Variants in CCDC186 observed in about 807,000 individuals in gnomAD.
CCDC186 encodes the protein coiled-coil domain containing 186, also known as coiled-coil domain-containing protein 186.
CCDC186 carries 49 observed loss-of-function variants against 113.7 expected under a neutral mutation model. The ratio of observed to expected loss-of-function variants is 0.43; its 90% CI spans 0.34 to 0.55. The LOEUF is 0.55. Among genes scored for constraint, CCDC186 ranks in the 20% least tolerant of loss-of-function variants. The probability of loss-of-function intolerance (pLI) is 0.02; values close to 1 mark genes in which losing one functional copy is unlikely to be tolerated. For missense variants in CCDC186, 890 were observed against 1,011.1 expected, an observed-to-expected ratio of 0.88 and a Z score of 1.62; for synonymous variants, 355 against 345.8, an observed-to-expected ratio of 1.03 and a Z score of -0.30.
chr10:114,153,812 G>A (rs1416345885), intron 3 of CCDC186, among the ~76,000 whole-genome samples: 3 of 150,010 alleles, frequency 2.0e-5, no homozygotes, highest in Non-Finnish European at 3.0e-5. Context: ...AAGAAGACAG[G>A]GTATCAAATT....
chr10:114,169,853 ATAAT>A (rs1327439455), intron 1 of CCDC186, among the ~76,000 whole-genome samples: 1 of 152,224 alleles, frequency 6.6e-6, no homozygotes, highest in Non-Finnish European at 1.5e-5. Flanking sequence ...CTTTTGATAA[ATAAT>A]TAACTTTAAA....
intron 1 of CCDC186, chr10:114,173,399 TTTTTCA>T: frequency 3.2e-6 from 1 of 316,614 alleles, no homozygotes; most frequent in East Asian, 7.7e-5. Context: ...GTTTTTGCCA[TTTTTCA>T]TTACTGATGG....
chr10:114,125,474 T>A (rs1042316422), intron 15 of CCDC186, among the ~76,000 whole-genome samples: 2 of 152,168 alleles, frequency 1.3e-5, no homozygotes, highest in African/African-American at 4.8e-5. Flanking sequence ...TACTTACTAT[T>A]ACTGATTTTA....
Position 114,163,205 on chromosome 10 carries a change from A to C in CCDC186, c.64T>G (p.Leu22Val). ...SDKNVGKTPE[L>V]KEDSCNLFSG... ...AACAAGTTGCATGAGTCTTCCTTTA[A>C]TTCAGGTGTTTTCCCAACATTTTTA... is the stretch of plus-strand genomic sequence containing the variant. The change falls in exon 2 of 16, where the codon TTA becomes GTA. Residue 22 changes from leucine to valine, a missense_variant. Coordinates refer to ENST00000369287, the MANE Select transcript of CCDC186 (RefSeq NM_018017.4). 6.2e-7 allele frequency: 1 copy of C among 1,613,830 alleles called. No homozygotes were observed. The highest frequency in any genetic ancestry group is 8.5e-7 in the Non-Finnish European group (1 of 1,179,982).
At chr10:114,158,114 G>A in intron 2 of CCDC186, among the ~76,000 whole-genome samples, 1 of 152,198 alleles carries the variant, frequency 6.6e-6, no homozygotes, top group Non-Finnish European at 1.5e-5. Context: ...TCTAGTGGAT[G>A]GAGGCCAGGG....
At chr10:114,153,306 T>C (rs904837477) in intron 3 of CCDC186, among the ~76,000 whole-genome samples, 6 of 152,092 alleles carry the variant, frequency 3.9e-5, no homozygotes, top group Admixed American at 6.5e-5. Context: ...GAAAGAAATA[T>C]GGGAAATTCA....
intron 2 of CCDC186, chr10:114,162,043 T>G (rs909458805): frequency 1.3e-5 from 2 of 152,236 alleles, no homozygotes; most frequent in African/African-American, 4.8e-5. Flanking sequence ...AATAGTGTTG[T>G]TTAACGAATA....
Position 114,132,177 on chromosome 10 carries a change from G to A in CCDC186, c.1663C>T (p.Gln555Ter). The A allele has an allele frequency of 6.3e-7, 1 of 1,585,118 alleles. No individual in the cohort carries two copies. Among genetic ancestry groups the A allele is most frequent in the South Asian group, 1.2e-5 (1 of 86,928 alleles). Residue 555 changes from glutamine (Q) to a stop codon, truncating the protein, a stop_gained, in exon 11 of 16, where the codon CAA becomes TAA. Transcript: ENST00000369287. LOFTEE classifies it high-confidence loss of function. Reference protein sequence around the residue: ...QLQEQLQRGKQEIENLKEEVE... With the variant: ...QLQEQLQRGK ...TCTTCTTTCAAATTTTCAATTTCTT[G>A]CTTACCTCTAAAACACAAAATTTAT...
intron 2 of CCDC186, among the ~76,000 whole-genome samples, chr10:114,158,146 T>C (rs968689514): frequency 1.3e-5 from 2 of 152,194 alleles, no homozygotes; most frequent in African/African-American, 4.8e-5. Context: ...CATCCTACAA[T>C]GCACAAGACA....
At chr10:114,164,721 T>C (rs1010150058) in intron 1 of CCDC186, among the ~76,000 whole-genome samples, 14 of 152,160 alleles carry the variant, frequency 9.2e-5, no homozygotes, top group Admixed American at 2.6e-4. Context: ...ATACATGAGA[T>C]ATAAACTAAT....
intron 4 of CCDC186, among the ~76,000 whole-genome samples, chr10:114,149,339 G>GA (rs199692815): frequency 0.02 from 3,037 of 151,558 alleles, 54 homozygotes; most frequent in Non-Finnish European, 0.029. Context: ...GAGGAAAAAA[G>GA]AAAAAAACAC....
intron 10 of CCDC186, 100 bp from the exon 11 acceptor site, chr10:114,132,284 C>G: frequency 1.2e-6 from 1 of 837,910 alleles, no homozygotes; most frequent in Non-Finnish European, 1.7e-6. Flanking sequence ...AATAAAGGTA[C>G]TTCTATTCAT....
rs1038311839 is a variant in CCDC186 at position 114,124,969 on chromosome 10, C to T, written c.*174G>A. On this transcript the variant is annotated 3_prime_UTR_variant, in exon 16 of 16. Transcript: ENST00000369287. Reference sequence around the variant, plus strand: ...AATTTCATCAAAGCTTTCAGTCTTACAGTATATACAGCAATGCATTCATAT... The same window carrying T: ...AATTTCATCAAAGCTTTCAGTCTTATAGTATATACAGCAATGCATTCATAT... 19 of 473,338 alleles carry T rather than the reference C, an allele frequency of 4.0e-5. No homozygotes were observed. The highest frequency in any genetic ancestry group is 3.9e-4 in the Middle Eastern group (1 of 2,576). The allele number at this position is 473,338 out of a possible 1,614,324, so 29.3% of individuals were successfully genotyped here.
intron 1 of CCDC186, among the ~76,000 whole-genome samples, chr10:114,167,943 A>G (rs889910261): frequency 1.8e-4 from 28 of 152,156 alleles, no homozygotes; most frequent in African/African-American, 6.5e-4. Context: ...CTATGATGGC[A>G]CCACTGTACT....
intron 3 of CCDC186, among the ~76,000 whole-genome samples, chr10:114,156,616 A>G (rs1349701441): frequency 6.6e-6 from 1 of 151,998 alleles, no homozygotes; most frequent in Non-Finnish European, 1.5e-5. Context: ...AATCCCAGGT[A>G]CTCCCGAGGC....
At chr10:114,167,209 C>T (rs1172941109) in intron 1 of CCDC186, among the ~76,000 whole-genome samples, 5 of 151,706 alleles carry the variant, frequency 3.3e-5, no homozygotes, top group South Asian at 4.2e-4. Flanking sequence ...TCAGTGTAGA[C>T]GGGGTTTCAC....
At chr10:114,165,968 A>ATTT in intron 1 of CCDC186, 1 of 877,872 alleles carries the variant, frequency 1.1e-6, no homozygotes, top group Non-Finnish European at 1.4e-6. Context: ...TTGTGACTTC[A>ATTT]TTTTTTTTTT....
At chr10:114,157,139 T>C (rs1239432630) in intron 3 of CCDC186, among the ~76,000 whole-genome samples, 1 of 151,986 alleles carries the variant, frequency 6.6e-6, no homozygotes, top group Non-Finnish European at 1.5e-5. Context: ...AAAATATGAT[T>C]TACCTTATAG....
chr10:114,171,679 AT>A (rs1170184034), intron 1 of CCDC186, among the ~76,000 whole-genome samples: 3 of 152,212 alleles, frequency 2.0e-5, no homozygotes, highest in Non-Finnish European at 4.4e-5. Context: ...GAGTTGGTTA[AT>A]TTGGTATGCT....
Sources: allele counts gnomAD v4.1 joint callset (sites outside exome capture counted in the v4.1 genomes callset), GRCh38; gene constraint gnomAD v4.1.1; transcripts MANE v1.5; gene names NCBI Gene and HGNC (gene_info 2026-07-23, HGNC 2026-07-21).